Variants in TRAPPC9 observed in about 807,000 individuals in gnomAD.
The protein encoded by TRAPPC9 is IKK2 binding protein.
A neutral mutation model predicts 124.0 loss-of-function variants in TRAPPC9; 83 were observed. The ratio of observed to expected loss-of-function variants is 0.67; its 90% CI spans 0.56 to 0.80. The LOEUF is 0.80. Ranked by LOEUF, TRAPPC9 falls within the 30% of genes least tolerant of loss-of-function variation. The pLI is 0.00. For synonymous variants in TRAPPC9, 638 were observed against 617.5 expected (o/e 1.03, Z -0.49); for missense variants, 1,302 against 1,508.3 (o/e 0.86, Z 2.27).
At chr8:140,392,828 G>A (rs1289438797) in intron 7 of TRAPPC9, among the ~76,000 whole-genome samples, 1 of 152,162 alleles carries the variant, frequency 6.6e-6, no homozygotes, top group Non-Finnish European at 1.5e-5. Context: ...AAATTCACAA[G>A]CCTGTAAACT....
At chr8:140,157,948 G>T (rs2061683584) in intron 17 of TRAPPC9, among the ~76,000 whole-genome samples, 1 of 152,042 alleles carries the variant, frequency 6.6e-6, no homozygotes. Context: ...TAAGTCATAG[G>T]TATTTTTCTA....
intron 17 of TRAPPC9, among the ~76,000 whole-genome samples, chr8:140,027,726 T>C (rs370347364): frequency 2.6e-5 from 4 of 152,180 alleles, no homozygotes; most frequent in African/African-American, 9.7e-5. Flanking sequence ...TTTAATTGAC[T>C]CACAGTTCCA....
chr8:140,326,974 G>T (rs922283290), intron 9 of TRAPPC9, among the ~76,000 whole-genome samples: 1 of 152,090 alleles, frequency 6.6e-6, no homozygotes, highest in Non-Finnish European at 1.5e-5. Flanking sequence ...CATCCAGGCC[G>T]GGCGCGGTGG....
chr8:139,965,406 A>G (rs560905762), intron 19 of TRAPPC9, among the ~76,000 whole-genome samples: 1 of 152,314 alleles, frequency 6.6e-6, no homozygotes, highest in African/African-American at 2.4e-5. Flanking sequence ...CAGCCACCTC[A>G]TTAGCTTCCT....
intron 21 of TRAPPC9, among the ~76,000 whole-genome samples, chr8:139,746,992 G>A (rs1335682076): frequency 1.3e-5 from 2 of 152,174 alleles, no homozygotes; most frequent in Admixed American, 1.3e-4. Context: ...TAAACCAGAA[G>A]AAAAAGAAAC....
chr8:140,269,221 CTTACT>C (rs1158856157), intron 15 of TRAPPC9, among the ~76,000 whole-genome samples: 1 of 149,242 alleles, frequency 6.7e-6, no homozygotes, highest in Admixed American at 6.7e-5. Context: ...AAAACTGCAA[CTTACT>C]TTAAACTGCA....
chr8:140,230,786 G>GA (rs35080590), intron 16 of TRAPPC9, among the ~76,000 whole-genome samples: 4 of 151,552 alleles, frequency 2.6e-5, no homozygotes, highest in African/African-American at 4.8e-5. Context: ...CAAAAAAAAA[G>GA]AAAAAAAAAG....
chr8:140,170,365 G>A (rs915425048), intron 17 of TRAPPC9, among the ~76,000 whole-genome samples: 6 of 152,192 alleles, frequency 3.9e-5, no homozygotes, highest in Non-Finnish European at 7.3e-5. Flanking sequence ...GAAGGAAAAT[G>A]ATCTTCCAAA....
intron 15 of TRAPPC9, among the ~76,000 whole-genome samples, chr8:140,266,442 G>A (rs1409093146): frequency 5.4e-5 from 8 of 148,038 alleles, no homozygotes; most frequent in East Asian, 4.0e-4. Context: ...CAGCCTGGGC[G>A]ACAGAGTGAG....
chr8:140,350,952 T>C (rs192729110), intron 9 of TRAPPC9, among the ~76,000 whole-genome samples: 1 of 151,176 alleles, frequency 6.6e-6, no homozygotes, highest in East Asian at 2.0e-4. Context: ...GAGGCTGGAG[T>C]GGAGCAAGGG....
At chr8:139,848,977 G>T (rs75416464) in intron 21 of TRAPPC9, among the ~76,000 whole-genome samples, 2,034 of 152,294 alleles carry the variant, frequency 0.013, 41 homozygotes, top group African/African-American at 0.046. Flanking sequence ...GCTTTTGCCT[G>T]GTCAATTCAG....
intron 17 of TRAPPC9, among the ~76,000 whole-genome samples, chr8:140,042,129 T>C (rs961318321): frequency 1.3e-5 from 2 of 152,162 alleles, no homozygotes; most frequent in African/African-American, 4.8e-5. Flanking sequence ...TAGGAAAGTA[T>C]CCTTCTTAGG....
Position 139,728,961 on chromosome 8 carries a change from T to G in TRAPPC9, c.*2100A>C, listed in dbSNP as rs1817678314. On this transcript the variant is annotated 3_prime_UTR_variant, in exon 23 of 23. Coordinates refer to ENST00000438773, the MANE Select transcript of TRAPPC9 (RefSeq NM_001160372.4). The stretch of plus-strand genomic sequence containing the variant: ...CACTCAGAATCAAACACTGCCAGAG[T>G]TTTCCATATTGGCTTTTCTAGGCTT... Among the ~76,000 whole-genome samples, 1 of 152,126 alleles carries G rather than the reference T, an allele frequency of 6.6e-6. No individual in the cohort carries two copies. The highest frequency in any genetic ancestry group is 2.4e-5 in the African/African-American group (1 of 41,428).
chr8:139,935,785 A>G (rs1468721414), intron 19 of TRAPPC9, among the ~76,000 whole-genome samples: 1 of 151,310 alleles, frequency 6.6e-6, no homozygotes, highest in Non-Finnish European at 1.5e-5. Flanking sequence ...ATAGCCTACC[A>G]TTATTTAGTG....
At chr8:139,827,057 T>C (rs1312862051) in intron 21 of TRAPPC9, among the ~76,000 whole-genome samples, 3 of 152,204 alleles carry the variant, frequency 2.0e-5, no homozygotes, top group East Asian at 1.9e-4. Flanking sequence ...ACACAGAACA[T>C]AGCCATCAGG....
At chr8:140,402,312 T>G (rs1422332104) in intron 6 of TRAPPC9, among the ~76,000 whole-genome samples, 2 of 151,548 alleles carry the variant, frequency 1.3e-5, no homozygotes, top group Admixed American at 6.6e-5. Flanking sequence ...GTGGGAGGAT[T>G]GGTTGAGTGA....
intron 17 of TRAPPC9, among the ~76,000 whole-genome samples, chr8:140,112,757 C>T (rs1254317932): frequency 6.6e-6 from 1 of 152,118 alleles, no homozygotes; most frequent in Non-Finnish European, 1.5e-5. Flanking sequence ...CCTTGCAGAT[C>T]ATGAGCTGCA....
intron 19 of TRAPPC9, among the ~76,000 whole-genome samples, chr8:139,970,170 G>T (rs1179173185): frequency 2.6e-5 from 4 of 152,164 alleles, no homozygotes. Flanking sequence ...GAAGCACCTC[G>T]GAAACAGGCG....
At chr8:139,998,892 A>T (rs2131780502) in intron 18 of TRAPPC9, among the ~76,000 whole-genome samples, 1 of 152,326 alleles carries the variant, frequency 6.6e-6, no homozygotes, top group South Asian at 2.1e-4. Context: ...AGATTCCACC[A>T]AGTGATAAAA....
Sources: allele counts gnomAD v4.1 joint callset (sites outside exome capture counted in the v4.1 genomes callset), GRCh38; gene constraint gnomAD v4.1.1; transcripts MANE v1.5; gene names NCBI Gene and HGNC (gene_info 2026-07-23, HGNC 2026-07-21).